The following PDE1A variants were observed in gnomAD, a reference collection of about 807,000 sequenced individuals.
PDE1A encodes phosphodiesterase 1A, also known as dual specificity calcium/calmodulin-dependent 3',5'-cyclic nucleotide phosphodiesterase 1A.
In PDE1A, 35 loss-of-function variants were observed where a neutral mutation model predicts 61.7. The observed-to-expected ratio is 0.57, with a 90% CI of 0.43 to 0.75. PDE1A has a LOEUF of 0.75. Ranked by LOEUF, PDE1A falls within the 30% of genes least tolerant of loss-of-function variation. The pLI, the probability that PDE1A is intolerant of heterozygous loss-of-function variation, is 0.00. For missense variants in PDE1A, 597 were observed against 630.6 expected, an observed-to-expected ratio of 0.95 and a Z score of 0.57; for synonymous variants, 232 against 213.2, an observed-to-expected ratio of 1.09 and a Z score of -0.77.
chr2:182,301,872 C>T (rs1695266876), intron 1 of PDE1A, among the ~76,000 whole-genome samples: 1 of 152,140 alleles, frequency 6.6e-6, no homozygotes, highest in African/African-American at 2.4e-5. Flanking sequence ...GACAAACCTA[C>T]ACCTACAGAA....
chr2:182,488,119 T>C (rs1295764755), intron 2 of PDE1A, among the ~76,000 whole-genome samples: 6 of 152,172 alleles, frequency 3.9e-5, no homozygotes, highest in Non-Finnish European at 8.8e-5. Context: ...TCACAGTTTT[T>C]ACTAACATTT....
chr2:182,571,140 T>G, the PDE1A span, among the ~76,000 whole-genome samples: 1 of 152,196 alleles, frequency 6.6e-6, no homozygotes, highest in Admixed American at 6.5e-5. Flanking sequence ...TGCCAACAAT[T>G]TATCCTTGAA....
At chr2:182,581,852 C>A in the PDE1A span, among the ~76,000 whole-genome samples, 1 of 152,124 alleles carries the variant, frequency 6.6e-6, no homozygotes, top group Non-Finnish European at 1.5e-5. Flanking sequence ...TATTAACCCC[C>A]CTTCTGTATC....
intron 2 of PDE1A, among the ~76,000 whole-genome samples, chr2:182,467,842 T>G (rs1399766924): frequency 6.6e-6 from 1 of 151,964 alleles, no homozygotes; most frequent in Admixed American, 6.6e-5. Flanking sequence ...AGTTCTAGTC[T>G]ACCACAATAA....
intron 13 of PDE1A, among the ~76,000 whole-genome samples, chr2:182,184,139 G>C (rs1426975773): frequency 6.6e-6 from 1 of 151,906 alleles, no homozygotes; most frequent in Non-Finnish European, 1.5e-5. Flanking sequence ...TCCTCAGAAG[G>C]AGAGAACAGA....
At chr2:182,305,094 A>G (rs1695491043) in intron 1 of PDE1A, among the ~76,000 whole-genome samples, 1 of 152,164 alleles carries the variant, frequency 6.6e-6, no homozygotes, top group Non-Finnish European at 1.5e-5. Context: ...ACATGAATTA[A>G]TAACACTTGC....
At chr2:182,620,938 C>G in the PDE1A span, among the ~76,000 whole-genome samples, 1 of 152,076 alleles carries the variant, frequency 6.6e-6, no homozygotes. Context: ...GTCCACCAGC[C>G]CATCCAATTA....
intron 1 of PDE1A, among the ~76,000 whole-genome samples, chr2:182,408,107 T>C (rs147880461): frequency 0.013 from 1,931 of 147,824 alleles, 27 homozygotes; most frequent in South Asian, 0.047. Context: ...GCCCCACACA[T>C]AGCTAATCAC....
At chr2:182,581,979 C>G in the PDE1A span, among the ~76,000 whole-genome samples, 1 of 152,126 alleles carries the variant, frequency 6.6e-6, no homozygotes, top group Non-Finnish European at 1.5e-5. Flanking sequence ...CCAGGTAAAA[C>G]TAAAAATGAC....
At chr2:182,529,662 C>T in the PDE1A span, among the ~76,000 whole-genome samples, 13 of 152,158 alleles carry the variant, frequency 8.5e-5, no homozygotes, top group Non-Finnish European at 1.5e-4. Flanking sequence ...TTGTAGCTCC[C>T]ATAATTCCCA....
chr2:182,197,644 T>A lies in PDE1A; in HGVS notation c.1125+3795A>T, dbSNP rs191741109. ...CACTAATTGCTGTTCCATTTCCTTT[T>A]GTGGAAAGACTTTCCTTTCCCCATG... On this transcript the variant is annotated intron_variant, in intron 10 of 13. Coordinates refer to ENST00000351439, the Ensembl canonical transcript of PDE1A. 8.6e-5 allele frequency among the ~76,000 whole-genome samples: 13 copies of A among 152,030 alleles called. 1 individual carries two copies. The highest frequency in any genetic ancestry group is 2.9e-4 in the African/African-American group (12 of 41,566).
At chr2:182,639,586 A>C in the PDE1A span, among the ~76,000 whole-genome samples, 1 of 152,154 alleles carries the variant, frequency 6.6e-6, no homozygotes, top group African/African-American at 2.4e-5. Context: ...AAAATAATTA[A>C]AAACTATCAT....
intron 1 of PDE1A, among the ~76,000 whole-genome samples, chr2:182,407,487 T>C (rs1175851854): frequency 1.3e-5 from 2 of 152,126 alleles, no homozygotes; most frequent in Non-Finnish European, 2.9e-5. Context: ...GTCCAAGTGA[T>C]TCTCTTGCCT....
intron 1 of PDE1A, among the ~76,000 whole-genome samples, chr2:182,338,458 T>G (rs150272201): frequency 7.2e-5 from 11 of 152,322 alleles, no homozygotes; most frequent in Admixed American, 6.5e-4. Flanking sequence ...TCAAAACCAC[T>G]TTACTCATCA....
At chr2:182,568,340 T>A in the PDE1A span, among the ~76,000 whole-genome samples, 1 of 152,192 alleles carries the variant, frequency 6.6e-6, no homozygotes, top group Admixed American at 6.5e-5. Context: ...CCAAAATTAT[T>A]TTAAATTTAT....
intron 2 of PDE1A, among the ~76,000 whole-genome samples, chr2:182,498,587 T>C (rs9712068): frequency 6.6e-6 from 1 of 151,906 alleles, no homozygotes; most frequent in Non-Finnish European, 1.5e-5. Flanking sequence ...CTGAAAGGCA[T>C]GTATTTCCAG....
At chr2:182,256,038 C>CTTTTT (rs755211798) in intron 2 of PDE1A, among the ~76,000 whole-genome samples, 2 of 92,336 alleles carry the variant, frequency 2.2e-5, no homozygotes, top group African/African-American at 4.1e-5. Context: ...AGGATGACTT[C>CTTTTT]TTTTTTTTTT....
chr2:182,370,753 T>G (rs747759444), intron 1 of PDE1A, among the ~76,000 whole-genome samples: 51 of 152,184 alleles, frequency 3.4e-4, no homozygotes, highest in Admixed American at 5.9e-4. Context: ...AAAGTGGACT[T>G]TTAAAGTTCA....
chr2:182,571,275 G>A, the PDE1A span, among the ~76,000 whole-genome samples: 1 of 152,140 alleles, frequency 6.6e-6, no homozygotes, highest in Non-Finnish European at 1.5e-5. Context: ...AGGGGTCATT[G>A]AAATATCACC....
Sources: allele counts gnomAD v4.1 joint callset (sites outside exome capture counted in the v4.1 genomes callset), GRCh38; gene constraint gnomAD v4.1.1; transcripts MANE v1.5; gene names NCBI Gene and HGNC (gene_info 2026-07-23, HGNC 2026-07-21).